TRPC7: variants seen among roughly 807,000 people sequenced by gnomAD.
TRPC7 encodes transient receptor potential cation channel subfamily C member 7.
TRPC7 carries 42 observed loss-of-function variants against 90.1 expected under a neutral mutation model. The ratio of observed to expected loss-of-function variants is 0.47; its 90% CI spans 0.36 to 0.60. The LOEUF is 0.60. TRPC7 is among the 20% of genes least tolerant of loss of function. The probability of loss-of-function intolerance (pLI) is 0.00; values close to 1 mark genes in which losing one functional copy is unlikely to be tolerated. For synonymous variants in TRPC7, 451 were observed against 436.3 expected, an observed-to-expected ratio of 1.03 and a Z score of -0.42; for missense variants, 955 against 1,112.3, an observed-to-expected ratio of 0.86 and a Z score of 2.01.
intron 3 of TRPC7, among the ~76,000 whole-genome samples, chr5:136,286,905 G>A (rs1757737077): frequency 6.6e-6 from 1 of 152,146 alleles, no homozygotes; most frequent in African/African-American, 2.4e-5. Context: ...ACCTACCTGT[G>A]TTGTTAGCTG....
chr5:136,260,156 G>A (rs1169082098), intron 5 of TRPC7, among the ~76,000 whole-genome samples: 1 of 152,180 alleles, frequency 6.6e-6, no homozygotes, highest in African/African-American at 2.4e-5. Flanking sequence ...CATTGAAAGA[G>A]GTGATTGGGA....
chr5:136,216,472 G>A (rs1038250463), intron 10 of TRPC7, among the ~76,000 whole-genome samples, 197 bp from the exon 11 acceptor site: 1 of 152,292 alleles, frequency 6.6e-6, no homozygotes, highest in East Asian at 1.9e-4. Flanking sequence ...TCCCCCGCAG[G>A]ATGCAATGTG....
chr5:136,318,844 G>T (rs915075337), intron 2 of TRPC7, among the ~76,000 whole-genome samples: 3 of 148,400 alleles, frequency 2.0e-5, no homozygotes, highest in African/African-American at 5.0e-5. Context: ...TTTCACTGTT[G>T]TTTTTTTTTT....
At chr5:136,337,663 CAAAAAAA>C (rs55856709) in intron 2 of TRPC7, among the ~76,000 whole-genome samples, 1 of 121,636 alleles carries the variant, frequency 8.2e-6, no homozygotes, top group Admixed American at 8.0e-5. Context: ...GAGACTCCAT[CAAAAAAA>C]AAAAAAAAAA....
At chr5:136,328,362 C>T (rs1759405433) in intron 2 of TRPC7, among the ~76,000 whole-genome samples, 1 of 152,204 alleles carries the variant, frequency 6.6e-6, no homozygotes, top group Admixed American at 6.5e-5. Context: ...ATGCTCTCTG[C>T]AGGAGGCTTT....
At chr5:136,226,598 T>G (rs1755638245) in intron 8 of TRPC7, among the ~76,000 whole-genome samples, 1 of 152,238 alleles carries the variant, frequency 6.6e-6, no homozygotes, top group Non-Finnish European at 1.5e-5. Context: ...ATTCATTAAT[T>G]TTTATAGCTC....
At chr5:136,261,361 G>C (rs1756853434) in intron 5 of TRPC7, among the ~76,000 whole-genome samples, 1 of 152,098 alleles carries the variant, frequency 6.6e-6, no homozygotes, top group South Asian at 2.1e-4. Context: ...GAAAATATCG[G>C]AAAATAACTT....
At chr5:136,293,793 T>C (rs1459943771) in intron 3 of TRPC7, among the ~76,000 whole-genome samples, 4 of 151,674 alleles carry the variant, frequency 2.6e-5, no homozygotes, top group Non-Finnish European at 2.9e-5. Flanking sequence ...AAAACTACTT[T>C]AAAGTTCATA....
intron 10 of TRPC7, among the ~76,000 whole-genome samples, chr5:136,216,676 G>A (rs1444285708): frequency 3.3e-5 from 5 of 152,226 alleles, no homozygotes; most frequent in Non-Finnish European, 5.9e-5. Context: ...GGAGGGCTGG[G>A]GAAGACTTAG....
chr5:136,251,868 C>T lies in TRPC7; in HGVS notation c.1360G>A (p.Glu454Lys). The T allele has an allele frequency of 6.2e-7, 1 of 1,613,760 alleles. No individual in the cohort carries two copies. Among genetic ancestry groups the T allele is most frequent in the Non-Finnish European group, 8.5e-7 (1 of 1,179,748 alleles). ...CCCTCCTCCCAGATTTCCTTGCATT[C>T]GGACCAAATCATTCCTGTGGGAGAA... is the stretch of plus-strand genomic sequence containing the variant. ...MKWVLGMIWSECKEIWEEGPR... is the reference protein window; with the variant it reads ...MKWVLGMIWSKCKEIWEEGPR... The change falls in exon 6 of 12, where the codon GAA (glutamate) becomes AAA (lysine). Residue 454 changes from glutamate to lysine, a missense_variant. Physicochemically the swap from Glu to Lys is moderately conservative, Grantham distance 56. Transcript: ENST00000513104.
At chr5:136,228,067 T>A (rs1755687990) in intron 8 of TRPC7, among the ~76,000 whole-genome samples, 1 of 151,756 alleles carries the variant, frequency 6.6e-6, no homozygotes, top group Non-Finnish European at 1.5e-5. Context: ...GTCTGGCCGA[T>A]GATGTGAACC....
At chr5:136,311,675 G>T (rs959126973) in intron 3 of TRPC7, among the ~76,000 whole-genome samples, 1 of 152,366 alleles carries the variant, frequency 6.6e-6, no homozygotes, top group East Asian at 1.9e-4. Context: ...TAGAGAGGCT[G>T]CAAGCCGATG....
rs190753399 is a variant in TRPC7 at position 136,294,899 on chromosome 5, G to T, written c.964-20062C>A. ...GACTTGGAATCAACCCAAATGTCCA[G>T]CAATGATAGACTGGATTAAGAAAAT... On this transcript the variant is annotated intron_variant, in intron 3 of 11. Coordinates refer to ENST00000513104, the MANE Select transcript of TRPC7 (RefSeq NM_020389.3). Among the ~76,000 whole-genome samples the T allele has an allele frequency of 6.6e-3, 1,010 of 152,248 alleles. 13 individuals are homozygous for T. Among genetic ancestry groups the T allele is most frequent in the African/African-American group, 0.023 (958 of 41,550 alleles).
intron 7 of TRPC7, among the ~76,000 whole-genome samples, chr5:136,240,719 G>A (rs569723347): frequency 1.3e-5 from 2 of 152,212 alleles, no homozygotes; most frequent in East Asian, 3.9e-4. Context: ...GGACTCATGC[G>A]GATTTGGATT....
intron 3 of TRPC7, among the ~76,000 whole-genome samples, chr5:136,287,713 A>AAAAAAAAAAAAAC (rs1757773638): frequency 1.1e-5 from 1 of 91,206 alleles, no homozygotes; most frequent in Admixed American, 1.0e-4. Context: ...AAAAAAAAAA[A>AAAAAAAAAAAAAC]AAAAAAAAAA....
At chr5:136,225,466 G>C in intron 9 of TRPC7, 112 bp from the exon 10 acceptor site, 1 of 993,136 alleles carries the variant, frequency 1.0e-6, no homozygotes, top group Non-Finnish European at 1.5e-6. Flanking sequence ...CAGTGAAGCA[G>C]CTTTTGAAAG....
At position 136,353,868 on chromosome 5, in the gene TRPC7, A is replaced by T. The variant is rs981824314; in HGVS notation, c.780+2740T>A. On this transcript the variant is annotated intron_variant, in intron 2 of 11. Coordinates refer to ENST00000513104, the MANE Select transcript of TRPC7 (RefSeq NM_020389.3). ...CACAATTTTCATATTTACTTTTAAA[A>T]TCAAAATATCATAGTAGATGCTTTC... 2.0e-5 allele frequency among the ~76,000 whole-genome samples: 3 copies of T among 152,238 alleles called. No homozygotes were observed. The South Asian group carries it at 6.2e-4, about 32-fold the overall frequency.
At chr5:136,318,962 G>T (rs750094249) in intron 2 of TRPC7, among the ~76,000 whole-genome samples, 7 of 151,992 alleles carry the variant, frequency 4.6e-5, no homozygotes, top group Non-Finnish European at 1.0e-4. Context: ...ATAAAAGCCT[G>T]ACCTTGGTTG....
chr5:136,280,639 G>A (rs538775172), intron 3 of TRPC7, among the ~76,000 whole-genome samples: 2 of 152,296 alleles, frequency 1.3e-5, no homozygotes, highest in African/African-American at 4.8e-5. Flanking sequence ...TCATCTTCTT[G>A]TGTAGGAAAA....
Sources: allele counts gnomAD v4.1 joint callset (sites outside exome capture counted in the v4.1 genomes callset), GRCh38; gene constraint gnomAD v4.1.1; transcripts MANE v1.5; gene names NCBI Gene and HGNC (gene_info 2026-07-23, HGNC 2026-07-21).